Variants in QRSL1 observed in about 807,000 individuals in gnomAD.
The protein encoded by QRSL1 is glutaminyl-tRNA amidotransferase subunit QRSL1, also known as glutamyl-tRNA(Gln) amidotransferase subunit A, mitochondrial.
A neutral mutation model predicts 61.6 loss-of-function variants in QRSL1; 54 were observed. That is an observed-to-expected ratio of 0.88 (90% CI 0.70 to 1.10). The LOEUF (loss-of-function observed/expected upper bound fraction) is 1.10. Ranked by LOEUF, QRSL1 falls within the 50% of genes least tolerant of loss-of-function variation. The pLI is 0.00. For synonymous variants in QRSL1, 228 were observed against 225.7 expected, an observed-to-expected ratio of 1.01 and a Z score of -0.09; for missense variants, 505 against 622.6, an observed-to-expected ratio of 0.81 and a Z score of 2.01.
In QRSL1 at chr6:106,665,881, C is replaced by T. The variant is rs1444219880; in HGVS notation, c.1466C>T (p.Thr489Ile). 1 of 1,613,988 alleles carries T rather than the reference C, an allele frequency of 6.2e-7. No homozygotes were observed. Among genetic ancestry groups the T allele is most frequent in the Non-Finnish European group, 8.5e-7 (1 of 1,179,860 alleles). Residue 489 changes from threonine (T) to isoleucine (I), a missense_variant, in exon 11 of 11, where the codon ACA becomes ATA. Coordinates refer to ENST00000369046, the MANE Select transcript of QRSL1 (RefSeq NM_018292.5). ...GRAFCDQQLL[T>I]VAKWFEKQVQ... ...GCGTTTTGTGACCAGCAGCTTCTTA[C>T]AGTAGCCAAATGGTTTGAAAAACAA...
rs1777438837 is a variant in QRSL1, at chr6:106,666,626, A to G, written c.*624A>G. The G allele has an allele frequency of 6.5e-6, 1 of 153,640 alleles. No homozygotes were observed. The highest frequency in any genetic ancestry group is 1.4e-5 in the Non-Finnish European group (1 of 69,006). 9.5% of individuals were successfully genotyped at this position (153,640 alleles called of 1,614,324 possible). ...GGGATAAACTTCTCAAAAATTGTAC[A>G]TCTGTGTAACTAAAGCACTAACAAA... On this transcript the variant is annotated 3_prime_UTR_variant, in exon 11 of 11. Transcript: ENST00000369046.
chr6:106,632,517 G>A (rs554284142), intron 1 of QRSL1, among the ~76,000 whole-genome samples: 4 of 152,052 alleles, frequency 2.6e-5, no homozygotes, highest in Admixed American at 2.6e-4. Flanking sequence ...TGCCCAACCA[G>A]TAGTTCTATT....
At chr6:106,632,185 G>A (rs925188246) in intron 1 of QRSL1, among the ~76,000 whole-genome samples, 3 of 152,050 alleles carry the variant, frequency 2.0e-5, no homozygotes, top group Non-Finnish European at 2.9e-5. Context: ...TGTACATGTA[G>A]GACATTTTCT....
At chr6:106,650,629 C>T (rs79355070) in intron 5 of QRSL1, among the ~76,000 whole-genome samples, 11,400 of 152,088 alleles carry the variant, frequency 0.075, 532 homozygotes, top group East Asian at 0.11. Context: ...TGTGCAGCCA[C>T]TAAAAAGAAT....
chr6:106,630,385 T>A (rs557334930), intron 1 of QRSL1, among the ~76,000 whole-genome samples: 24 of 151,928 alleles, frequency 1.6e-4, no homozygotes, highest in Admixed American at 1.4e-3. Context: ...AGACTCTTTT[T>A]AATGGCACAA....
rs375195659 is a variant in QRSL1, at chr6:106,634,965, T to TC, written c.24+5260_24+5261insC. 3.4e-3 allele frequency among the ~76,000 whole-genome samples: 510 copies of TC among 151,964 alleles called. 5 individuals carry two copies. Among genetic ancestry groups the TC allele is most frequent in the African/African-American group, 0.012 (478 of 41,434 alleles). On this transcript the variant is annotated intron_variant, in intron 1 of 10. Transcript: ENST00000369046. Reference sequence around the variant, plus strand: ...AATGTGACATCAAGATGGGAAAACCTTAAAGGGAACATGTTTGGAAGGGGA... The same window carrying TC: ...AATGTGACATCAAGATGGGAAAACCTCTAAAGGGAACATGTTTGGAAGGGGA...
In QRSL1 at chr6:106,633,628, G is replaced by A. The variant is rs112024236; in HGVS notation, c.24+3923G>A. The stretch of plus-strand genomic sequence containing the variant: ...TTACCCAAGTACATTCAGAAAGGGG[G>A]AGGAAATCTCACTTTTACCTTTGTC... On this transcript the variant is annotated intron_variant, in intron 1 of 10. Coordinates refer to ENST00000369046, the MANE Select transcript of QRSL1 (RefSeq NM_018292.5). Among the ~76,000 whole-genome samples, 513 of 152,220 alleles carry A rather than the reference G, an allele frequency of 3.4e-3. 5 individuals are homozygous for A. Among genetic ancestry groups the A allele is most frequent in the African/African-American group, 0.012 (482 of 41,544 alleles).
chr6:106,642,536 G>C (rs1202873212), intron 3 of QRSL1: 11 of 709,182 alleles, frequency 1.6e-5, no homozygotes, highest in Non-Finnish European at 2.6e-5. Flanking sequence ...GGAGTTGTTT[G>C]CCATGTACAT....
intron 9 of QRSL1, among the ~76,000 whole-genome samples, chr6:106,661,533 T>C (rs1777355162): frequency 6.6e-6 from 1 of 152,156 alleles, no homozygotes; most frequent in Non-Finnish European, 1.5e-5. Context: ...GGTGGTCAAA[T>C]AAGAGTAAGG....
At chr6:106,629,808 G>C (rs573727729) in intron 1 of QRSL1, 103 bp downstream of exon 1, 69 of 1,409,606 alleles carry the variant, frequency 4.9e-5, no homozygotes, top group Middle Eastern at 1.8e-4. Context: ...GGCCCACCTC[G>C]CTGCTTCCTC....
Position 106,665,984 on chromosome 6 carries a change from T to C in QRSL1, c.1569T>C (p.Ser523=). The C allele has an allele frequency of 6.2e-7, 1 of 1,613,878 alleles. No individual in the cohort carries two copies. Among genetic ancestry groups the C allele is most frequent in the South Asian group, 1.1e-5 (1 of 91,062 alleles). Residue 523 remains serine (S), a synonymous_variant, in exon 11 of 11, where the codon TCT becomes TCC. Transcript: ENST00000369046. ...TCCTTGAAAATGAAAAGTTAGCCTC[T>C]GTCTCTCTAAAACAGTAAACATATC... ...SAVLENEKLA[S]VSLKQ is the part of the protein sequence containing the mutation.
intron 9 of QRSL1, among the ~76,000 whole-genome samples, chr6:106,660,934 C>G (rs1198281807): frequency 6.6e-6 from 1 of 152,126 alleles, no homozygotes; most frequent in Non-Finnish European, 1.5e-5. Flanking sequence ...GGCCCCATCT[C>G]TTAATACTGT....
chr6:106,666,380 G>T lies in QRSL1; in HGVS notation c.*378G>T. The stretch of plus-strand genomic sequence containing the variant: ...GATTCTATATTCTAGAGAGTCAAAT[G>T]GTCTTGCTCAATTCTTGTAATTAGG... On this transcript the variant is annotated 3_prime_UTR_variant, in exon 11 of 11. Coordinates refer to ENST00000369046, the MANE Select transcript of QRSL1 (RefSeq NM_018292.5). 1.0e-5 allele frequency: 2 copies of T among 191,762 alleles called. No homozygotes were observed. Among genetic ancestry groups the T allele is most frequent in the Non-Finnish European group, 2.2e-5 (2 of 91,178 alleles). 11.9% of individuals were successfully genotyped at this position (191,762 alleles called of 1,614,324 possible). A position where few individuals can be genotyped will look rare whatever the true frequency, so the allele number is the denominator to read the frequency against.
intron 5 of QRSL1, among the ~76,000 whole-genome samples, chr6:106,650,832 T>C (rs1777179177): frequency 6.6e-6 from 1 of 152,240 alleles, no homozygotes; most frequent in Non-Finnish European, 1.5e-5. Context: ...GCTGTGATTC[T>C]AAGAGTAATC....
intron 9 of QRSL1, among the ~76,000 whole-genome samples, chr6:106,658,373 A>G (rs544086099): frequency 6.6e-6 from 1 of 152,076 alleles, no homozygotes; most frequent in Admixed American, 6.5e-5. Flanking sequence ...TTTAATTTTG[A>G]AAGATATTTT....
In QRSL1 at chr6:106,667,036, C is replaced by T. The variant is rs576566485; in HGVS notation, c.*1034C>T. 6.6e-6 allele frequency: 1 copy of T among 152,308 alleles called. No homozygotes were observed. Among genetic ancestry groups the T allele is most frequent in the Admixed American group, 6.5e-5 (1 of 15,310 alleles). 9.4% of individuals were successfully genotyped at this position (152,308 alleles called of 1,614,324 possible). The stretch of plus-strand genomic sequence containing the variant: ...CTCCATGTTACACTGAGTTCATGCT[C>T]CTATTTACTGATCACAAATGAGCTC... On this transcript the variant is annotated 3_prime_UTR_variant, in exon 11 of 11. Coordinates refer to ENST00000369046, the MANE Select transcript of QRSL1 (RefSeq NM_018292.5).
rs2114722317 is a variant in QRSL1 at position 106,667,112 on chromosome 6, G to A, written c.*1110G>A. ...TAACCTAACAGACCATCACAGATTGGAAACTTGGTAGATAGCAGAGCATGG... is the reference window on the plus strand; with the variant it reads ...TAACCTAACAGACCATCACAGATTGAAAACTTGGTAGATAGCAGAGCATGG... On this transcript the variant is annotated 3_prime_UTR_variant, in exon 11 of 11. Transcript: ENST00000369046. 6.6e-6 allele frequency: 1 copy of A among 152,302 alleles called. No homozygotes were observed. Among genetic ancestry groups the A allele is most frequent in the Middle Eastern group, 3.4e-3 (1 of 292 alleles). The allele number at this position is 152,302 out of a possible 1,614,324, so 9.4% of individuals were successfully genotyped here. A position where few individuals can be genotyped will look rare whatever the true frequency, so the allele number is the denominator to read the frequency against.
intron 5 of QRSL1, 80 bp from the exon 6 acceptor site, chr6:106,652,129 A>C: frequency 7.4e-7 from 1 of 1,351,480 alleles, no homozygotes. Context: ...ACAGTTTAAA[A>C]ATATACAATT....
intron 4 of QRSL1, 136 bp from the exon 5 acceptor site, chr6:106,648,889 C>T: frequency 1.3e-6 from 1 of 796,246 alleles, no homozygotes; most frequent in South Asian, 2.6e-5. Flanking sequence ...AACAGGCTTC[C>T]CACCTTTTTC....
Sources: allele counts gnomAD v4.1 joint callset (sites outside exome capture counted in the v4.1 genomes callset), GRCh38; gene constraint gnomAD v4.1.1; transcripts MANE v1.5; gene names NCBI Gene and HGNC (gene_info 2026-07-23, HGNC 2026-07-21).